Variants in PCLAF observed in about 807,000 individuals in gnomAD.
The protein encoded by PCLAF is PCNA clamp associated factor.
A neutral mutation model predicts 15.1 loss-of-function variants in PCLAF; 12 were observed. That is an observed-to-expected ratio of 0.79 (90% confidence interval 0.51 to 1.29). The LOEUF is 1.29. Among genes scored for constraint, PCLAF ranks in the 50% most tolerant of loss-of-function variants. The pLI is 0.00. For synonymous variants in PCLAF, 33 were observed against 47.1 expected (o/e 0.70, Z 1.22); for missense variants, 116 against 130.9 (o/e 0.89, Z 0.56).
chr15:64,381,043 GAA>G lies in PCLAF; in HGVS notation c.47-7_47-6del, dbSNP rs760555818. 6.2e-7 allele frequency: 1 copy of G among 1,613,692 alleles called. No individual in the cohort carries two copies. Among genetic ancestry groups the G allele is most frequent in the Non-Finnish European group, 8.5e-7 (1 of 1,179,850 alleles). ...TGGGGGCTCGAGCAGCCACCACTGT[GAA>G]GAGAGGCAAAAAAGGGTGTTCAGAA... On this transcript the variant is annotated splice_polypyrimidine_tract_variant and splice_region_variant and intron_variant, in intron 1 of 3. Coordinates refer to ENST00000300035, the MANE Select transcript of PCLAF (RefSeq NM_014736.6).
intron 2 of PCLAF, among the ~76,000 whole-genome samples, chr15:64,378,884 C>T (rs1298274893): frequency 1.3e-5 from 2 of 151,542 alleles, no homozygotes; most frequent in Non-Finnish European, 2.9e-5. Flanking sequence ...GCACTCCAGC[C>T]TGGGTGACAG....
Position 64,380,969 on chromosome 15 carries a change from G to A in PCLAF, c.116C>T (p.Ser39Leu). 6.2e-7 allele frequency: 1 copy of A among 1,614,050 alleles called. No homozygotes were observed. The change falls in exon 2 of 4, where the codon TCA (serine) becomes TTA (leucine). Residue 39 changes from serine to leucine, a missense_variant. Coordinates refer to ENST00000300035, the MANE Select transcript of PCLAF (RefSeq NM_014736.6). ...STSATNSTSV[S>L]SRKAENKYAG... ...AGGGCTCTTCTTACCTTTCCTCGATGAAACTGATGTCGAATTAGTGGCAGA... is the reference window on the plus strand; with the variant it reads ...AGGGCTCTTCTTACCTTTCCTCGATAAAACTGATGTCGAATTAGTGGCAGA...
chr15:64,383,928 G>A (rs1899884317), upstream of PCLAF, among the ~76,000 whole-genome samples: 1 of 151,338 alleles, frequency 6.6e-6, no homozygotes, highest in Non-Finnish European at 1.5e-5. Flanking sequence ...TGATAATGAA[G>A]AATGCATGCT....
chr15:64,368,162 T>C (rs1256593728), intron 3 of PCLAF, among the ~76,000 whole-genome samples: 1 of 151,828 alleles, frequency 6.6e-6, no homozygotes, highest in Non-Finnish European at 1.5e-5. Context: ...GCCAACATAA[T>C]GAAACCCTGT....
intron 3 of PCLAF, among the ~76,000 whole-genome samples, chr15:64,371,105 AC>A (rs1482422126): frequency 4.7e-5 from 7 of 150,022 alleles, no homozygotes; most frequent in Non-Finnish European, 1.0e-4. Flanking sequence ...AGTAGCTGGG[AC>A]TCCAGGTGCC....
upstream of PCLAF, among the ~76,000 whole-genome samples, chr15:64,384,419 C>A (rs1311478715): frequency 6.6e-6 from 1 of 151,378 alleles, no homozygotes; most frequent in Non-Finnish European, 1.5e-5. Flanking sequence ...CAGGTGTGAG[C>A]CACTGCAACT....
intron 3 of PCLAF, among the ~76,000 whole-genome samples, chr15:64,372,726 C>A (rs1355326439): frequency 7.2e-5 from 11 of 151,946 alleles, no homozygotes; most frequent in Non-Finnish European, 1.6e-4. Context: ...GTAATCCCAG[C>A]ACTTTGGGAG....
chr15:64,367,752 G>A (rs1358821825), intron 3 of PCLAF, among the ~76,000 whole-genome samples: 1 of 151,518 alleles, frequency 6.6e-6, no homozygotes, highest in East Asian at 2.0e-4. Flanking sequence ...GTTTCACCAT[G>A]TTGGCAAGGA....
upstream of PCLAF, among the ~76,000 whole-genome samples, chr15:64,381,969 T>G (rs545157411): frequency 2.0e-5 from 3 of 152,298 alleles, no homozygotes; most frequent in South Asian, 6.2e-4. Flanking sequence ...TTACAAGGGT[T>G]TTTTTAAATG....
At chr15:64,368,137 T>A (rs961987870) in intron 3 of PCLAF, among the ~76,000 whole-genome samples, 1 of 151,314 alleles carries the variant, frequency 6.6e-6, no homozygotes, top group African/African-American at 2.4e-5. Context: ...AGGTCAGGAG[T>A]TCGAGACCAG....
Position 64,381,326 on chromosome 15 carries a change from C to T in PCLAF, c.46G>A (p.Val16Met). 6.2e-7 allele frequency: 1 copy of T among 1,614,184 alleles called. No individual in the cohort carries two copies. The highest frequency in any genetic ancestry group is 8.5e-7 in the Non-Finnish European group (1 of 1,180,026). The change falls in exon 1 of 4, where the codon GTG becomes ATG. Residue 16 changes from valine to methionine, a missense_variant and splice_region_variant. Coordinates refer to ENST00000300035, the MANE Select transcript of PCLAF (RefSeq NM_014736.6). ...ADSVPGTYRK[V>M]VAARAPRKVL... The stretch of plus-strand genomic sequence containing the variant: ...CCAGTACCACACTCGATCGCCTCAC[C>T]TTTTCTGTAAGTGCCTGGAACACTG...
chr15:64,387,573 G>A, exon 1 of PCLAF: 1 of 1,357,048 alleles, frequency 7.4e-7, no homozygotes. Flanking sequence ...ATAGGCACTT[G>A]CACTGTCTTC....
At chr15:64,375,008 C>T (rs149835754) in intron 3 of PCLAF, among the ~76,000 whole-genome samples, 137 of 152,096 alleles carry the variant, frequency 9.0e-4, no homozygotes, top group African/African-American at 2.9e-3. Flanking sequence ...ACTATTCTTA[C>T]GTACTTACAG....
At chr15:64,370,829 GTTTTTTTTTTTTTTTT>G (rs10607183) in intron 3 of PCLAF, among the ~76,000 whole-genome samples, 1 of 85,766 alleles carries the variant, frequency 1.2e-5, no homozygotes, top group East Asian at 3.3e-4. Context: ...TCATAAAGTT[GTTTTTTTTTTTTTTTT>G]TTTTTTTTTT....
exon 1 of PCLAF, chr15:64,387,507 G>A: frequency 7.7e-7 from 1 of 1,299,980 alleles, no homozygotes; most frequent in Non-Finnish European, 1.0e-6. Flanking sequence ...CGATTAAAAA[G>A]CTGGCCTCTC....
exon 1 of PCLAF, chr15:64,387,680 T>C (rs1328246534): frequency 7.1e-7 from 1 of 1,404,894 alleles, no homozygotes; most frequent in Non-Finnish European, 9.3e-7. Flanking sequence ...CACAAGGAAG[T>C]AGACAACAAA....
chr15:64,378,120 C>T (rs1332237411), intron 2 of PCLAF, among the ~76,000 whole-genome samples: 1 of 152,030 alleles, frequency 6.6e-6, no homozygotes, highest in Non-Finnish European at 1.5e-5. Context: ...TTAGTAGAGA[C>T]AGGGTTTCAC....
At chr15:64,374,918 G>A (rs1405275730) in intron 3 of PCLAF, among the ~76,000 whole-genome samples, 2 of 151,488 alleles carry the variant, frequency 1.3e-5, no homozygotes, top group Non-Finnish European at 2.9e-5. Flanking sequence ...GAAATACAAC[G>A]GATGAAACTC....
intron 2 of PCLAF, among the ~76,000 whole-genome samples, chr15:64,378,933 G>A (rs1899725532): frequency 6.6e-6 from 1 of 151,486 alleles, no homozygotes; most frequent in African/African-American, 2.4e-5. Flanking sequence ...AAATATAGCA[G>A]CAACAGGTTC....
Sources: gnomAD v4.1 joint callset for allele counts (sites outside exome capture counted in the v4.1 genomes callset) on GRCh38, gnomAD v4.1.1 for gene constraint, MANE v1.5 for transcripts, NCBI Gene and HGNC (gene_info 2026-07-23, HGNC 2026-07-21) for gene names.